The following HS3ST4 variants were observed in gnomAD, a reference collection of about 807,000 sequenced individuals.
HS3ST4 encodes the protein heparan sulfate glucosamine 3-O-sulfotransferase 4.
In HS3ST4, 17 loss-of-function variants were observed where a neutral mutation model predicts 29.2. That is an observed-to-expected ratio of 0.58 (90% CI 0.40 to 0.87). The LOEUF (loss-of-function observed/expected upper bound fraction) is 0.87. HS3ST4 is among the 40% of genes least tolerant of loss of function. The pLI is 0.00. For missense variants in HS3ST4, 627 were observed against 634.5 expected, an observed-to-expected ratio of 0.99 and a Z score of 0.13; for synonymous variants, 314 against 285.7, an observed-to-expected ratio of 1.10 and a Z score of -1.00.
At chr16:25,996,679 T>G (rs545223534) in intron 1 of HS3ST4, among the ~76,000 whole-genome samples, 1 of 152,300 alleles carries the variant, frequency 6.6e-6, no homozygotes, top group South Asian at 2.1e-4. Flanking sequence ...TAGTATGTTT[T>G]AGTATCTGCC....
chr16:25,867,343 A>G (rs1251332026), intron 1 of HS3ST4, among the ~76,000 whole-genome samples: 9 of 152,084 alleles, frequency 5.9e-5, no homozygotes, highest in Admixed American at 5.2e-4. Flanking sequence ...AGGAGCAGCA[A>G]ATGTAGCCAT....
At chr16:26,035,765 C>T (rs889782526) in intron 1 of HS3ST4, among the ~76,000 whole-genome samples, 4 of 152,154 alleles carry the variant, frequency 2.6e-5, no homozygotes, top group Admixed American at 6.5e-5. Flanking sequence ...TTTCCAAATG[C>T]GCAGCTGATC....
At chr16:26,102,443 C>G (rs2141797461) in intron 1 of HS3ST4, among the ~76,000 whole-genome samples, 1 of 152,260 alleles carries the variant, frequency 6.6e-6, no homozygotes, top group Non-Finnish European at 1.5e-5. Flanking sequence ...TCAGCACAAC[C>G]ACCACTGTTT....
At chr16:25,733,182 C>G (rs1261260541) in intron 1 of HS3ST4, among the ~76,000 whole-genome samples, 1 of 152,170 alleles carries the variant, frequency 6.6e-6, no homozygotes, top group Non-Finnish European at 1.5e-5. Context: ...ACACATGCAT[C>G]TTATTTTGTT....
At chr16:25,957,084 G>T (rs897478686) in intron 1 of HS3ST4, among the ~76,000 whole-genome samples, 2 of 151,958 alleles carry the variant, frequency 1.3e-5, no homozygotes, top group Admixed American at 1.3e-4. Context: ...TTTCAGTGGA[G>T]AGACGATCAG....
chr16:25,975,383 C>T (rs534848177), intron 1 of HS3ST4, among the ~76,000 whole-genome samples: 2 of 152,130 alleles, frequency 1.3e-5, no homozygotes, highest in Admixed American at 6.5e-5. Flanking sequence ...ACTCATACCC[C>T]AGACCTCAGT....
rs8059098 is a variant in HS3ST4, at chr16:25,965,906, G to A, written c.735-169706G>A. Reference sequence around the variant, plus strand: ...GTTTCCCAGGCTGGTCTCGAACTCCGTTGCTCAAGTGATCCTCCCACCTGG... The same window carrying A: ...GTTTCCCAGGCTGGTCTCGAACTCCATTGCTCAAGTGATCCTCCCACCTGG... On this transcript the variant is annotated intron_variant, in intron 1 of 1. Transcript: ENST00000331351. Among the ~76,000 whole-genome samples, 883 of 152,164 alleles carry A rather than the reference G, an allele frequency of 5.8e-3. 9 individuals are homozygous for A. The highest frequency in any genetic ancestry group is 0.019 in the African/African-American group (777 of 41,498).
intron 1 of HS3ST4, among the ~76,000 whole-genome samples, chr16:25,957,069 C>A (rs1221197064): frequency 6.7e-6 from 1 of 149,350 alleles, no homozygotes; most frequent in African/African-American, 2.5e-5. Flanking sequence ...GAGGCTACTA[C>A]AATATTTCAG....
chr16:25,782,451 C>T (rs1302799993), intron 1 of HS3ST4, among the ~76,000 whole-genome samples: 1 of 152,206 alleles, frequency 6.6e-6, no homozygotes, highest in African/African-American at 2.4e-5. Context: ...TGTTTCACGA[C>T]AGCTCTCTCT....
chr16:26,011,722 GGTGTGT>G (rs55657831), intron 1 of HS3ST4, among the ~76,000 whole-genome samples: 5 of 150,048 alleles, frequency 3.3e-5, no homozygotes, highest in South Asian at 4.2e-4. Flanking sequence ...GACAGAGAGA[GGTGTGT>G]GTGTGTGTGT....
chr16:25,779,557 C>A (rs539602394), intron 1 of HS3ST4, among the ~76,000 whole-genome samples: 1 of 152,262 alleles, frequency 6.6e-6, no homozygotes, highest in South Asian at 2.1e-4. Flanking sequence ...GTGTGTCAGA[C>A]CCTGAGGAGT....
At position 26,109,824 on chromosome 16, in the gene HS3ST4, A is replaced by G. The variant is rs1344879008; in HGVS notation, c.735-25788A>G. Among the ~76,000 whole-genome samples, 4 of 152,158 alleles carry G rather than the reference A, an allele frequency of 2.6e-5. No homozygotes were observed. The East Asian group carries it at 7.7e-4, about 29-fold the overall frequency. On this transcript the variant is annotated intron_variant, in intron 1 of 1. Transcript: ENST00000331351. ...TGCAGTATTTATCACATACAATGTAATTCAATATATGTATGCATAGTGACA... is the reference window on the plus strand; with the variant it reads ...TGCAGTATTTATCACATACAATGTAGTTCAATATATGTATGCATAGTGACA...
chr16:26,027,702 T>C (rs990958887), intron 1 of HS3ST4, among the ~76,000 whole-genome samples: 1 of 152,218 alleles, frequency 6.6e-6, no homozygotes, highest in Non-Finnish European at 1.5e-5. Flanking sequence ...ATTATAAATA[T>C]GCTAGGACCA....
chr16:25,956,489 G>C (rs1334805813), intron 1 of HS3ST4, among the ~76,000 whole-genome samples: 1 of 151,980 alleles, frequency 6.6e-6, no homozygotes, highest in South Asian at 2.1e-4. Flanking sequence ...AGAAATCTAG[G>C]GCATCCAAAT....
Position 26,135,979 on chromosome 16 carries a change from A to G in HS3ST4, c.1102A>G (p.Met368Val). The change falls in exon 2 of 2, where the codon ATG (methionine) becomes GTG (valine). Residue 368 changes from methionine (M) to valine (V), a missense_variant. This residue lies in a region of HS3ST4 where 225 missense variants were observed against 293.7 expected (regional missense o/e 0.77). Coordinates refer to ENST00000331351, the MANE Select transcript of HS3ST4 (RefSeq NM_006040.3). ...ERLIVDPAGE[M>V]AKVQDFLGLK... ...ACTCATTGTGGACCCCGCCGGGGAA[A>G]TGGCCAAAGTACAGGATTTTCTAGG... is the stretch of plus-strand genomic sequence containing the variant. The G allele has an allele frequency of 6.2e-7, 1 of 1,613,974 alleles. No individual in the cohort carries two copies. The highest frequency in any genetic ancestry group is 1.1e-5 in the South Asian group (1 of 91,082).
intron 1 of HS3ST4, among the ~76,000 whole-genome samples, chr16:25,947,778 G>A (rs1186373313): frequency 1.3e-5 from 2 of 151,958 alleles, no homozygotes; most frequent in Admixed American, 6.6e-5. Flanking sequence ...AGTATATGTG[G>A]GTGGTCAAGT....
intron 1 of HS3ST4, among the ~76,000 whole-genome samples, chr16:26,109,451 G>A (rs1899098978): frequency 6.6e-6 from 1 of 152,142 alleles, no homozygotes; most frequent in East Asian, 1.9e-4. Flanking sequence ...GTCTGAGGGT[G>A]GGGAGAGAGA....
intron 1 of HS3ST4, among the ~76,000 whole-genome samples, chr16:25,736,953 ATTC>A (rs1202313210): frequency 6.6e-6 from 1 of 151,590 alleles, no homozygotes; most frequent in Non-Finnish European, 1.5e-5. Flanking sequence ...GGTTCAAGGG[ATTC>A]TTCTGCTTTA....
intron 1 of HS3ST4, among the ~76,000 whole-genome samples, chr16:25,802,993 A>G (rs568507798): frequency 6.6e-6 from 1 of 151,016 alleles, no homozygotes; most frequent in Non-Finnish European, 1.5e-5. Flanking sequence ...TTCTTTTCTC[A>G]TATATATAGT....
Sources: gnomAD v4.1 joint callset for allele counts (sites outside exome capture counted in the v4.1 genomes callset) on GRCh38, gnomAD v4.1.1 for gene constraint, gnomAD v4.1.1 regional missense constraint, MANE v1.5 for transcripts, NCBI Gene and HGNC (gene_info 2026-07-23, HGNC 2026-07-21) for gene names.